THSD7B: variants seen among roughly 807,000 people sequenced by gnomAD.
THSD7B encodes the protein thrombospondin type-1 domain-containing protein 7B.
Under a neutral mutation model 213.6 loss-of-function variants are expected in THSD7B, and 138 were observed. The ratio of observed to expected loss-of-function variants is 0.65; its 90% CI spans 0.56 to 0.74. The LOEUF (loss-of-function observed/expected upper bound fraction) is 0.74, where lower values mean the gene tolerates loss of function less well. THSD7B is among the 30% of genes least tolerant of loss of function. The pLI, the probability that THSD7B is intolerant of heterozygous loss-of-function variation, is 0.00. For synonymous variants in THSD7B, 742 were observed against 687.0 expected, an observed-to-expected ratio of 1.08 and a Z score of -1.25; for missense variants, 1,931 against 1,991.5, an observed-to-expected ratio of 0.97 and a Z score of 0.58.
chr2:136,839,002 G>A (rs2104953856), intron 1 of THSD7B, among the ~76,000 whole-genome samples: 1 of 152,264 alleles, frequency 6.6e-6, no homozygotes, highest in African/African-American at 2.4e-5. Context: ...CACCATGCTG[G>A]ACATTTATAG....
intron 21 of THSD7B, among the ~76,000 whole-genome samples, chr2:137,651,743 G>T (rs948141368): frequency 6.6e-6 from 1 of 151,514 alleles, no homozygotes; most frequent in African/African-American, 2.4e-5. Context: ...CATAGATTTT[G>T]GTTTGTTATA....
intron 2 of THSD7B, among the ~76,000 whole-genome samples, chr2:136,927,296 T>C (rs1358731498): frequency 1.8e-5 from 2 of 109,328 alleles, no homozygotes; most frequent in African/African-American, 6.6e-5. Context: ...CATTACCTGC[T>C]GAGTGAGCTG....
chr2:136,798,091 A>G (rs1258824229), intron 1 of THSD7B, among the ~76,000 whole-genome samples: 2 of 151,770 alleles, frequency 1.3e-5, no homozygotes, highest in South Asian at 2.1e-4. Context: ...TTGGGCCCTT[A>G]CAATCAAGGA....
At chr2:137,039,032 T>C (rs1166953816) in intron 2 of THSD7B, among the ~76,000 whole-genome samples, 1 of 152,208 alleles carries the variant, frequency 6.6e-6, no homozygotes, top group African/African-American at 2.4e-5. Context: ...TTTCTTTATT[T>C]GAAGATGAAT....
chr2:137,276,050 T>G, intron 12 of THSD7B, 24 bp downstream of exon 12: 1 of 1,565,472 alleles, frequency 6.4e-7, no homozygotes, highest in East Asian at 2.3e-5. Flanking sequence ...TACATAGTTT[T>G]TTTTTATTAA....
chr2:136,896,391 T>A (rs1486978139), intron 2 of THSD7B, among the ~76,000 whole-genome samples: 2 of 152,208 alleles, frequency 1.3e-5, no homozygotes, highest in African/African-American at 4.8e-5. Context: ...TTGCATTTTT[T>A]AAAACTGTTT....
At chr2:136,896,277 G>A (rs1683958341) in intron 2 of THSD7B, among the ~76,000 whole-genome samples, 1 of 152,170 alleles carries the variant, frequency 6.6e-6, no homozygotes, top group Non-Finnish European at 1.5e-5. Context: ...TTTAGTGGGT[G>A]TGAAATAGTT....
Position 136,971,097 on chromosome 2 carries a change from C to T in THSD7B, c.140-85323C>T, listed in dbSNP as rs138359635. On this transcript the variant is annotated intron_variant, in intron 2 of 27. Transcript: ENST00000409968. ...TAAAGAGAAATACATGAAATCTGGA[C>T]ACAAAATATCTCAAATAGGAATAAG... Among the ~76,000 whole-genome samples the T allele has an allele frequency of 1.7e-3, 265 of 152,138 alleles. 1 individual carries two copies. Among genetic ancestry groups the T allele is most frequent in the African/African-American group, 6.2e-3 (257 of 41,512 alleles).
chr2:137,558,931 G>A (rs1681045072), intron 15 of THSD7B, among the ~76,000 whole-genome samples: 1 of 152,060 alleles, frequency 6.6e-6, no homozygotes, highest in Non-Finnish European at 1.5e-5. Context: ...CAGACAAACA[G>A]AGAGCCAAAT....
chr2:137,648,108 A>G (rs1054613715), intron 21 of THSD7B, among the ~76,000 whole-genome samples: 1 of 152,236 alleles, frequency 6.6e-6, no homozygotes, highest in Admixed American at 6.5e-5. Context: ...TTTTTGATAC[A>G]TAATAGATGT....
chr2:137,249,649 C>A (rs1682124569), intron 10 of THSD7B, among the ~76,000 whole-genome samples: 1 of 152,172 alleles, frequency 6.6e-6, no homozygotes. Context: ...TCATACATGA[C>A]TAACAGGTGA....
At chr2:137,639,287 C>A (rs770845704) in intron 20 of THSD7B, among the ~76,000 whole-genome samples, 6 of 152,118 alleles carry the variant, frequency 3.9e-5, no homozygotes, top group African/African-American at 7.2e-5. Context: ...AAGCCCCAAG[C>A]CTTGGCAGCT....
chr2:137,197,546 A>C (rs1019742500), intron 7 of THSD7B, among the ~76,000 whole-genome samples: 3 of 152,200 alleles, frequency 2.0e-5, no homozygotes, highest in Non-Finnish European at 4.4e-5. Flanking sequence ...ATACTTTAAA[A>C]AGAGAAATTA....
chr2:137,255,402 C>G (rs1682283613), intron 10 of THSD7B, among the ~76,000 whole-genome samples: 1 of 151,996 alleles, frequency 6.6e-6, no homozygotes, highest in African/African-American at 2.4e-5. Flanking sequence ...TTCTTGTTGC[C>G]AAAGTCATGA....
At chr2:137,551,238 T>C (rs1177582408) in intron 15 of THSD7B, among the ~76,000 whole-genome samples, 9 of 152,138 alleles carry the variant, frequency 5.9e-5, no homozygotes, top group Non-Finnish European at 1.3e-4. Flanking sequence ...TTTCTTCTCT[T>C]CTTTATATGT....
chr2:137,009,195 G>T (rs933957599), intron 2 of THSD7B, among the ~76,000 whole-genome samples: 4 of 152,116 alleles, frequency 2.6e-5, no homozygotes, highest in Non-Finnish European at 5.9e-5. Flanking sequence ...TTGCTTTCCC[G>T]TGTGTTACTA....
intron 2 of THSD7B, among the ~76,000 whole-genome samples, chr2:137,006,379 A>G (rs1000731414): frequency 6.6e-6 from 1 of 152,016 alleles, no homozygotes; most frequent in Non-Finnish European, 1.5e-5. Context: ...TGGGTGACAG[A>G]GTGAGACTCC....
At chr2:136,995,176 G>A (rs1685860225) in intron 2 of THSD7B, among the ~76,000 whole-genome samples, 1 of 152,194 alleles carries the variant, frequency 6.6e-6, no homozygotes, top group African/African-American at 2.4e-5. Context: ...AAGAATGACT[G>A]TCTCAGAGCA....
intron 2 of THSD7B, among the ~76,000 whole-genome samples, chr2:136,935,792 G>C (rs1341850976): frequency 6.6e-6 from 1 of 151,574 alleles, no homozygotes; most frequent in East Asian, 1.9e-4. Flanking sequence ...CTCTGTGAAG[G>C]GGGGACAGTT....
Sources: allele counts gnomAD v4.1 joint callset (sites outside exome capture counted in the v4.1 genomes callset), GRCh38; gene constraint gnomAD v4.1.1; transcripts MANE v1.5; gene names NCBI Gene and HGNC (gene_info 2026-07-23, HGNC 2026-07-21).